SMAD6: variants seen among roughly 807,000 people sequenced by gnomAD.
SMAD6 encodes the protein SMAD family member 6.
Under a neutral mutation model 39.4 loss-of-function variants are expected in SMAD6, and 103 were observed. The ratio of observed to expected loss-of-function variants is 2.62; its 90% CI spans 2.23 to 3.08. The LOEUF (loss-of-function observed/expected upper bound fraction) is 3.08. SMAD6 is among the 30% of genes most tolerant of loss of function. The pLI, the probability that SMAD6 is intolerant of heterozygous loss-of-function variation, is 0.00. For missense variants in SMAD6, 1,104 were observed against 742.9 expected, an observed-to-expected ratio of 1.49 and a Z score of -5.65; for synonymous variants, 445 against 353.3, an observed-to-expected ratio of 1.26 and a Z score of -2.91.
intron 3 of SMAD6, among the ~76,000 whole-genome samples, chr15:66,774,207 C>T (rs943996039): frequency 6.6e-6 from 1 of 152,208 alleles, no homozygotes; most frequent in African/African-American, 2.4e-5. Flanking sequence ...TGCTCAGGCT[C>T]TTGGAGCATG....
At position 66,703,590 on chromosome 15, in the gene SMAD6, G is replaced by A. The variant is rs1448460212; in HGVS notation, c.332G>A (p.Gly111Glu). The A allele has an allele frequency of 4.1e-6, 5 of 1,227,362 alleles. No homozygotes were observed. The highest frequency in any genetic ancestry group is 4.1e-5 in the South Asian group (1 of 24,574). The allele number at this position is 1,227,362 out of a possible 1,614,324, so 76.0% of individuals were successfully genotyped here. A position where few individuals can be genotyped will look rare whatever the true frequency, so the allele number is the denominator to read the frequency against. Reference protein sequence around the residue: ...GSSLLDVAEPGGPGWLPESDC... With the variant: ...GSSLLDVAEPEGPGWLPESDC... ...TCCCTGCTGGACGTGGCGGAGCCGG[G>A]AGGCCCGGGCTGGCTGCCCGAGAGT... Residue 111 changes from glycine (G) to glutamate (E), a missense_variant, in exon 1 of 4, where the codon GGA (glycine) becomes GAA (glutamate). Gly to Glu is a moderately conservative substitution (Grantham distance 98). Transcript: ENST00000288840.
At chr15:66,726,912 CTG>C (rs1160180333) in intron 3 of SMAD6, among the ~76,000 whole-genome samples, 1 of 151,926 alleles carries the variant, frequency 6.6e-6, no homozygotes, top group Non-Finnish European at 1.5e-5. Flanking sequence ...AATGCGCAGC[CTG>C]GGCTAAGAAC....
intron 3 of SMAD6, among the ~76,000 whole-genome samples, chr15:66,728,292 G>C (rs919124144): frequency 6.6e-6 from 1 of 152,178 alleles, no homozygotes; most frequent in Non-Finnish European, 1.5e-5. Context: ...TAACCCCATC[G>C]TGTAGTTTTC....
At position 66,703,698 on chromosome 15, in the gene SMAD6, G is replaced by A; in HGVS notation, c.440G>A (p.Gly147Glu). The A allele has an allele frequency of 7.8e-7, 1 of 1,287,274 alleles. No homozygotes were observed. Among genetic ancestry groups the A allele is most frequent in the Non-Finnish European group, 9.9e-7 (1 of 1,010,716 alleles). The allele number at this position is 1,287,274 out of a possible 1,614,324, so 79.7% of individuals were successfully genotyped here. ...APRDASDPLA[G>E]AALEPAGGGR... ...CGGGACGCCAGCGACCCCCTGGCCG[G>A]GGCGGCCCTGGAGCCGGCGGGCGGC... Residue 147 changes from glycine (G) to glutamate (E), a missense_variant, in exon 1 of 4, where the codon GGG (glycine) becomes GAG (glutamate). By Grantham distance (98) the Gly-to-Glu change is moderately conservative. Coordinates refer to ENST00000288840, the MANE Select transcript of SMAD6 (RefSeq NM_005585.5).
chr15:66,708,596 G>T (rs1893166120), intron 1 of SMAD6: 1 of 401,482 alleles, frequency 2.5e-6, no homozygotes, highest in Non-Finnish European at 5.4e-6. Flanking sequence ...CCATGAAAAA[G>T]AACGAAGTCC....
In SMAD6 at chr15:66,702,684, T is replaced by C. The variant is rs1038741815; in HGVS notation, c.-575T>C. The C allele has an allele frequency of 6.6e-6, 1 of 152,400 alleles. No homozygotes were observed. Among genetic ancestry groups the C allele is most frequent in the Admixed American group, 6.5e-5 (1 of 15,292 alleles). 9.4% of individuals were successfully genotyped at this position (152,400 alleles called of 1,614,324 possible). A position where few individuals can be genotyped will look rare whatever the true frequency, so the allele number is the denominator to read the frequency against. ...TGCAAATCCAGGGATTTAGGTTTTGTTTGGGATTTCCTTTTCTTTCTTTCC... is the reference window on the plus strand; with the variant it reads ...TGCAAATCCAGGGATTTAGGTTTTGCTTGGGATTTCCTTTTCTTTCTTTCC... On this transcript the variant is annotated 5_prime_UTR_variant, in exon 1 of 4. Transcript: ENST00000288840.
intron 3 of SMAD6, among the ~76,000 whole-genome samples, chr15:66,752,249 G>A (rs1249628382): frequency 1.3e-5 from 2 of 152,130 alleles, no homozygotes; most frequent in Admixed American, 6.5e-5. Context: ...CTTTGCCTCT[G>A]TGGGGGGCCC....
rs577556747 is a variant in SMAD6, at chr15:66,766,515, G to GCTCA, written c.953-14482_953-14481insCTCA. ...GATTGTTCTCAGCATTAAATGAGAT[G>GCTCA]GGATACGTGGACATAGATGCTCAGT... On this transcript the variant is annotated intron_variant, in intron 3 of 3. Transcript: ENST00000288840. Among the ~76,000 whole-genome samples, 523 of 152,244 alleles carry GCTCA rather than the reference G, an allele frequency of 3.4e-3. 1 individual carries two copies. The highest frequency in any genetic ancestry group is 5.7e-3 in the Non-Finnish European group (388 of 68,006).
intron 3 of SMAD6, among the ~76,000 whole-genome samples, chr15:66,749,374 A>G (rs1053222627): frequency 1.3e-5 from 2 of 152,150 alleles, no homozygotes; most frequent in Admixed American, 6.5e-5. Flanking sequence ...AAGAGAATCG[A>G]TTGAACCTTG....
rs1439960953 is a variant in SMAD6 at position 66,703,264 on chromosome 15, C to T, written c.6C>T (p.Phe2=). The T allele has an allele frequency of 5.4e-6, 8 of 1,470,498 alleles. No individual in the cohort carries two copies. The highest frequency in any genetic ancestry group is 6.3e-6 in the Non-Finnish European group (7 of 1,109,604). 91.1% of individuals were successfully genotyped at this position (1,470,498 alleles called of 1,614,324 possible). M[F]RSKRSGLVRR... is the part of the protein sequence containing the mutation. ...CTGGCGCCAAAGGATATCGTATGTT[C>T]AGGTCCAAACGCTCGGGGCTGGTGC... is the stretch of plus-strand genomic sequence containing the variant. Residue 2 remains phenylalanine (F), a synonymous_variant, in exon 1 of 4, where the codon TTC becomes TTT. Transcript: ENST00000288840.
chr15:66,736,458 G>A (rs1411763792), intron 3 of SMAD6, among the ~76,000 whole-genome samples: 2 of 152,146 alleles, frequency 1.3e-5, no homozygotes, highest in African/African-American at 2.4e-5. Flanking sequence ...GGCTGACCCC[G>A]AAGCTTATGT....
In SMAD6 at chr15:66,711,803, C is replaced by CAGGGCTGG. The variant is rs572798014; in HGVS notation, c.874+100_874+107dup. The CAGGGCTGG allele has an allele frequency of 6.7e-3, 8,147 of 1,224,770 alleles. 212 individuals carry two copies. The East Asian group carries it at 0.084, about 13-fold the overall frequency. 75.9% of individuals were successfully genotyped at this position (1,224,770 alleles called of 1,614,324 possible). A position where few individuals can be genotyped will look rare whatever the true frequency, so the allele number is the denominator to read the frequency against. On this transcript the variant is annotated intron_variant, in intron 2 of 3. Transcript: ENST00000288840. ...CTTCAGCCCAGTGTCTGTCCAGCCT[C>CAGGGCTGG]AGGGCTGGAGGGCTGGAGGGCTGGA... is the stretch of plus-strand genomic sequence containing the variant.
At position 66,703,627 on chromosome 15, in the gene SMAD6, G is replaced by GGTGACCTGCT; in HGVS notation, c.372_381dup (p.Leu128AspfsTer178). 8.1e-7 allele frequency: 1 copy of GGTGACCTGCT among 1,231,428 alleles called. No individual in the cohort carries two copies. Among genetic ancestry groups the GGTGACCTGCT allele is most frequent in the Non-Finnish European group, 1.0e-6 (1 of 984,958 alleles). 76.3% of individuals were successfully genotyped at this position (1,231,428 alleles called of 1,614,324 possible). ...GGCTGCCCGAGAGTGACTGCGAGAC[G>GGTGACCTGCT]GTGACCTGCTGTCTCTTTTCGGAGC... On this transcript the variant is annotated frameshift_variant, in exon 1 of 4. Transcript: ENST00000288840. LOFTEE classifies it high-confidence loss of function.
intron 3 of SMAD6, among the ~76,000 whole-genome samples, chr15:66,754,091 G>A (rs899618280): frequency 1.3e-5 from 2 of 152,184 alleles, no homozygotes; most frequent in African/African-American, 4.8e-5. Flanking sequence ...GGGTGCTATG[G>A]CTGCCTGGTC....
chr15:66,777,164 C>T (rs1353382854), intron 3 of SMAD6, among the ~76,000 whole-genome samples: 2 of 152,182 alleles, frequency 1.3e-5, no homozygotes, highest in African/African-American at 4.8e-5. Context: ...AGCGGATACT[C>T]GAGCTCTGAC....
intron 3 of SMAD6, among the ~76,000 whole-genome samples, chr15:66,770,506 A>G (rs1271115328): frequency 2.0e-5 from 3 of 152,148 alleles, no homozygotes; most frequent in Non-Finnish European, 2.9e-5. Context: ...TGTCTTGCAC[A>G]CTGTTATTTT....
At chr15:66,751,732 ATGTCTGAGT>A (rs1894009751) in intron 3 of SMAD6, among the ~76,000 whole-genome samples, 1 of 152,236 alleles carries the variant, frequency 6.6e-6, no homozygotes, top group South Asian at 2.1e-4. Flanking sequence ...CAGAGCTTGG[ATGTCTGAGT>A]TGTCCATTCT....
In SMAD6 at chr15:66,702,479, G is replaced by A. The variant is rs1177825981; in HGVS notation, c.-780G>A. ...CAGCCTCGGCGCACGAAGCGTCCGA[G>A]GGCAGCGTGGGGCGGGCTGCGACCT... On this transcript the variant is annotated 5_prime_UTR_variant, in exon 1 of 4. Transcript: ENST00000288840. 1 of 152,540 alleles carries A rather than the reference G, an allele frequency of 6.6e-6. No individual in the cohort carries two copies. Among genetic ancestry groups the A allele is most frequent in the African/African-American group, 2.4e-5 (1 of 41,448 alleles). The allele number at this position is 152,540 out of a possible 1,614,324, so 9.4% of individuals were successfully genotyped here.
Position 66,703,964 on chromosome 15 carries a change from C to T in SMAD6, c.706C>T (p.Gln236Ter), listed in dbSNP as rs1893047812. 9 of 1,445,880 alleles carry T rather than the reference C, an allele frequency of 6.2e-6. No homozygotes were observed. Among genetic ancestry groups the T allele is most frequent in the South Asian group, 2.7e-5 (2 of 74,438 alleles). The allele number at this position is 1,445,880 out of a possible 1,614,324, so 89.6% of individuals were successfully genotyped here. A position where few individuals can be genotyped will look rare whatever the true frequency, so the allele number is the denominator to read the frequency against. The stretch of plus-strand genomic sequence containing the variant: ...CCGCCTCTTTCGCTGGCCCGACCTG[C>T]AGCACGCCGTGGAGCTGAAGCCCCT... ...LGRLFRWPDL[Q>*]HAVELKPLCG... The change falls in exon 1 of 4, where the codon CAG becomes TAG. Residue 236 changes from glutamine (Q) to a stop codon, truncating the protein, a stop_gained. Transcript: ENST00000288840. LOFTEE classifies it high-confidence loss of function.
Sources: allele counts gnomAD v4.1 joint callset (sites outside exome capture counted in the v4.1 genomes callset), GRCh38; gene constraint gnomAD v4.1.1; transcripts MANE v1.5; gene names NCBI Gene and HGNC (gene_info 2026-07-23, HGNC 2026-07-21).